The following SLC24A2 variants were observed in gnomAD, a reference collection of about 807,000 sequenced individuals.
SLC24A2 encodes sodium/potassium/calcium exchanger 2.
A neutral mutation model predicts 62.0 loss-of-function variants in SLC24A2; 36 were observed. That is an observed-to-expected ratio of 0.58 (90% CI 0.44 to 0.77). SLC24A2 has a LOEUF of 0.77. Ranked by LOEUF, SLC24A2 falls within the 30% of genes least tolerant of loss-of-function variation. The pLI, the probability that SLC24A2 is intolerant of heterozygous loss-of-function variation, is 0.00. For missense variants in SLC24A2, 846 were observed against 817.9 expected, an observed-to-expected ratio of 1.03 and a Z score of -0.42; for synonymous variants, 358 against 294.0, an observed-to-expected ratio of 1.22 and a Z score of -2.23.
chr9:20,048,588 A>C, the SLC24A2 span, among the ~76,000 whole-genome samples: 3 of 152,236 alleles, frequency 2.0e-5, no homozygotes, highest in East Asian at 5.8e-4. Context: ...AAAGTAATTA[A>C]AGGAGTCAAC....
rs1325827219 is a variant in SLC24A2 at position 19,599,888 on chromosome 9, C to G, written c.1079-2609G>C. Among the ~76,000 whole-genome samples the G allele has an allele frequency of 2.0e-5, 3 of 152,126 alleles. No individual in the cohort carries two copies. Among genetic ancestry groups the G allele is most frequent in the Admixed American group, 2.0e-4 (3 of 15,272 alleles). ...CCGGCATAGGAATGTGGCTTGCAAC[C>G]AGCACACTCTCCATAATGAATAACT... On this transcript the variant is annotated intron_variant, in intron 4 of 10. Transcript: ENST00000341998. This position sits in a 1 kb window ranked among gnomAD's most constrained non-coding sequence, Gnocchi z 4.5.
At chr9:19,912,031 G>A in the SLC24A2 span, among the ~76,000 whole-genome samples, 1 of 152,018 alleles carries the variant, frequency 6.6e-6, no homozygotes, top group Non-Finnish European at 1.5e-5. Context: ...TATATTTTAA[G>A]CTTTCTTTTA....
chr9:20,206,027 T>C, the SLC24A2 span, among the ~76,000 whole-genome samples: 2 of 152,342 alleles, frequency 1.3e-5, no homozygotes, highest in African/African-American at 4.8e-5. Context: ...AAATGACTAA[T>C]ACCTAATGTT....
the SLC24A2 span, among the ~76,000 whole-genome samples, chr9:19,818,886 C>G: frequency 3.9e-5 from 6 of 152,208 alleles, no homozygotes; most frequent in Middle Eastern, 3.4e-3. Context: ...ACCTGCATAG[C>G]CAAAGCAAGA....
intron 3 of SLC24A2, 30 bp downstream of exon 3, chr9:19,622,231 A>G: frequency 6.2e-7 from 1 of 1,607,720 alleles, no homozygotes; most frequent in Non-Finnish European, 8.5e-7. Flanking sequence ...AGGCACACAA[A>G]CAGGTACAGA....
At position 19,712,723 on chromosome 9, in the gene SLC24A2, T is replaced by C. The variant is rs181293650; in HGVS notation, c.930+73214A>G. Reference sequence around the variant, plus strand: ...CATGGCCTGTTGTGTTTATTTACTTTCTTCTTATCCTGGAATGCTCTTTCT... The same window carrying C: ...CATGGCCTGTTGTGTTTATTTACTTCCTTCTTATCCTGGAATGCTCTTTCT... On this transcript the variant is annotated intron_variant, in intron 2 of 10. Coordinates refer to ENST00000341998, the MANE Select transcript of SLC24A2 (RefSeq NM_020344.4). 2.6e-5 allele frequency among the ~76,000 whole-genome samples: 4 copies of C among 152,324 alleles called. 1 individual carries two copies. The East Asian group carries it at 7.7e-4, about 29-fold the overall frequency.
chr9:20,008,240 C>T, the SLC24A2 span, among the ~76,000 whole-genome samples: 4 of 151,910 alleles, frequency 2.6e-5, no homozygotes, highest in Non-Finnish European at 5.9e-5. Context: ...GTCCTCTCCC[C>T]ACCCCTATCC....
rs909445611 is a variant in SLC24A2 at position 19,712,963 on chromosome 9, C to T, written c.930+72974G>A. Among the ~76,000 whole-genome samples the T allele has an allele frequency of 7.2e-5, 11 of 152,254 alleles. 1 individual carries two copies. The South Asian group carries it at 2.1e-3, about 29-fold the overall frequency. On this transcript the variant is annotated intron_variant, in intron 2 of 10. Transcript: ENST00000341998. ...AGGCAAAGTCACCCTGGTTGAGAATCACTGCCCTAGATATCTGCATGATTC... is the reference window on the plus strand; with the variant it reads ...AGGCAAAGTCACCCTGGTTGAGAATTACTGCCCTAGATATCTGCATGATTC...
chr9:19,557,627 G>C (rs1405542654), intron 7 of SLC24A2, among the ~76,000 whole-genome samples: 1 of 152,180 alleles, frequency 6.6e-6, no homozygotes, highest in Non-Finnish European at 1.5e-5. Flanking sequence ...AGCTGCCACA[G>C]CTCTGAGTGG....
At chr9:20,296,519 T>C in the SLC24A2 span, among the ~76,000 whole-genome samples, 2 of 152,234 alleles carry the variant, frequency 1.3e-5, no homozygotes, top group Non-Finnish European at 2.9e-5. Context: ...GTAAAAAATG[T>C]TGAAACTTCC....
the SLC24A2 span, among the ~76,000 whole-genome samples, chr9:19,832,979 C>T: frequency 1.1e-4 from 17 of 151,968 alleles, no homozygotes; most frequent in African/African-American, 2.7e-4. Context: ...AGCCAAAAGA[C>T]ACATGAAAAA....
the SLC24A2 span, among the ~76,000 whole-genome samples, chr9:20,278,237 A>G: frequency 1.7e-3 from 266 of 152,270 alleles, 1 homozygote; most frequent in Non-Finnish European, 2.2e-3. Context: ...AGTATAATAA[A>G]AAAATTAAAA....
chr9:19,541,642 G>C (rs1415089286), intron 8 of SLC24A2, among the ~76,000 whole-genome samples: 5 of 148,428 alleles, frequency 3.4e-5, no homozygotes, highest in African/African-American at 1.3e-4. Context: ...GTCTGCAGAG[G>C]TTACTGCTGT....
At chr9:20,065,053 C>G in the SLC24A2 span, among the ~76,000 whole-genome samples, 1 of 152,200 alleles carries the variant, frequency 6.6e-6, no homozygotes, top group Non-Finnish European at 1.5e-5. Flanking sequence ...AACCGATGAG[C>G]TGCTGGAGAC....
At chr9:19,920,743 G>A in the SLC24A2 span, among the ~76,000 whole-genome samples, 1 of 152,140 alleles carries the variant, frequency 6.6e-6, no homozygotes, top group African/African-American at 2.4e-5. Flanking sequence ...AGAGAGTCCT[G>A]GGCAGTAAGG....
At chr9:19,925,522 A>T in the SLC24A2 span, among the ~76,000 whole-genome samples, 1 of 152,206 alleles carries the variant, frequency 6.6e-6, no homozygotes, top group South Asian at 2.1e-4. Flanking sequence ...AAAGCTCTAC[A>T]TTTTATAATT....
chr9:20,034,487 T>C, the SLC24A2 span, among the ~76,000 whole-genome samples: 2 of 133,358 alleles, frequency 1.5e-5, no homozygotes, highest in African/African-American at 5.9e-5. Flanking sequence ...TGAGACGGAG[T>C]CTCTCTCTGT....
the SLC24A2 span, among the ~76,000 whole-genome samples, chr9:20,145,088 G>C: frequency 6.6e-6 from 1 of 152,106 alleles, no homozygotes; most frequent in Non-Finnish European, 1.5e-5. Context: ...CCTGAGTAGA[G>C]AAAACGTATT....
chr9:19,617,124 G>A (rs575455266), intron 4 of SLC24A2, among the ~76,000 whole-genome samples: 1 of 152,280 alleles, frequency 6.6e-6, no homozygotes, highest in African/African-American at 2.4e-5. Context: ...GGTCAAGGAG[G>A]ATGATTTGGG....
Sources: gnomAD v4.1 joint callset for allele counts (sites outside exome capture counted in the v4.1 genomes callset) on GRCh38, gnomAD v4.1.1 for gene constraint, Gnocchi (gnomAD v3.1) non-coding constraint, MANE v1.5 for transcripts, NCBI Gene and HGNC (gene_info 2026-07-23, HGNC 2026-07-21) for gene names.